The following ATP2C1 variants were observed in gnomAD, a reference collection of about 807,000 sequenced individuals.
ATP2C1 encodes the protein calcium-transporting ATPase type 2C member 1.
ATP2C1 carries 31 observed loss-of-function variants against 120.5 expected under a neutral mutation model. The observed-to-expected ratio is 0.26, with a 90% CI of 0.19 to 0.35. The LOEUF (loss-of-function observed/expected upper bound fraction) is 0.35, where lower values mean the gene tolerates loss of function less well. Among genes scored for constraint, ATP2C1 ranks in the 10% least tolerant of loss-of-function variants. The probability of loss-of-function intolerance (pLI) is 1.00; values close to 1 mark genes in which losing one functional copy is unlikely to be tolerated. For missense variants in ATP2C1, 731 were observed against 1,107.5 expected, an observed-to-expected ratio of 0.66 and a Z score of 4.83; for synonymous variants, 351 against 358.7, an observed-to-expected ratio of 0.98 and a Z score of 0.24.
chr3:130,851,880 G>A (rs2067688307), intron 1 of ATP2C1, among the ~76,000 whole-genome samples: 1 of 152,148 alleles, frequency 6.6e-6, no homozygotes, highest in South Asian at 2.1e-4. Flanking sequence ...TCTCCTTTGT[G>A]ATATGAGATG....
At chr3:130,863,921 G>A (rs1478963086) in intron 1 of ATP2C1, among the ~76,000 whole-genome samples, 1 of 152,186 alleles carries the variant, frequency 6.6e-6, no homozygotes, top group Non-Finnish European at 1.5e-5. Context: ...ATCTTTATCA[G>A]CAGCATGAAA....
At chr3:130,855,231 A>G (rs1398700122) in intron 1 of ATP2C1, among the ~76,000 whole-genome samples, 2 of 152,222 alleles carry the variant, frequency 1.3e-5, no homozygotes, top group African/African-American at 4.8e-5. Context: ...TGTAGCAGTC[A>G]GAATTTTCTG....
chr3:130,929,453 A>C (rs1458031143), intron 2 of ATP2C1, among the ~76,000 whole-genome samples: 1 of 152,202 alleles, frequency 6.6e-6, no homozygotes, highest in Non-Finnish European at 1.5e-5. Flanking sequence ...TTAGGGAAAT[A>C]TTTTATCCTA....
intron 1 of ATP2C1, among the ~76,000 whole-genome samples, chr3:130,860,929 T>G (rs1232516008): frequency 4.6e-5 from 7 of 152,232 alleles, no homozygotes; most frequent in Non-Finnish European, 1.0e-4. Context: ...GTTTAAAGTT[T>G]ATTCAATTTG....
chr3:130,917,760 T>C (rs1272153132), intron 2 of ATP2C1, among the ~76,000 whole-genome samples: 1 of 152,238 alleles, frequency 6.6e-6, no homozygotes, highest in Non-Finnish European at 1.5e-5. Flanking sequence ...TGCTTATTCA[T>C]CTTGACTGAC....
intron 17 of ATP2C1, among the ~76,000 whole-genome samples, chr3:130,970,590 C>G (rs992462806): frequency 2.6e-5 from 4 of 152,026 alleles, no homozygotes; most frequent in Non-Finnish European, 5.9e-5. Flanking sequence ...GATGGGATCT[C>G]ATTGTGTTTC....
At position 130,894,719 on chromosome 3, in the gene ATP2C1, C is replaced by T; in HGVS notation, c.-51C>T. 6.2e-7 allele frequency: 1 copy of T among 1,614,158 alleles called. No homozygotes were observed. The highest frequency in any genetic ancestry group is 8.5e-7 in the Non-Finnish European group (1 of 1,180,014). On this transcript the variant is annotated 5_prime_UTR_variant, in exon 2 of 28. Transcript: ENST00000510168. The surrounding 1 kb of genome is among the most constrained non-coding windows in gnomAD (Gnocchi z 4.5). The stretch of plus-strand genomic sequence containing the variant: ...CTCTCTATTCCCAGTGTGGCCGTGG[C>T]TGACACTAAAGACTTTGTAGCCATC...
At chr3:131,008,737 A>AG (rs1209319214) in intron 26 of ATP2C1, among the ~76,000 whole-genome samples, 1 of 152,196 alleles carries the variant, frequency 6.6e-6, no homozygotes, top group African/African-American at 2.4e-5. Flanking sequence ...TGGATTAGAA[A>AG]GGAAGTACCA....
chr3:130,955,359 G>C (rs943602846), intron 10 of ATP2C1, among the ~76,000 whole-genome samples: 5 of 152,066 alleles, frequency 3.3e-5, no homozygotes, highest in Non-Finnish European at 5.9e-5. Flanking sequence ...TCAGAAATTA[G>C]TGTTGTGGTA....
chr3:130,995,740 A>G (rs2062586591), intron 22 of ATP2C1, among the ~76,000 whole-genome samples: 1 of 152,170 alleles, frequency 6.6e-6, no homozygotes, highest in South Asian at 2.1e-4. Context: ...TCCCGGGTTT[A>G]AGCGATTCTC....
intron 12 of ATP2C1, among the ~76,000 whole-genome samples, chr3:130,962,473 C>T (rs1193556044): frequency 6.6e-6 from 1 of 151,506 alleles, no homozygotes; most frequent in Non-Finnish European, 1.5e-5. Flanking sequence ...CCAAGTTCAC[C>T]AAAAGCAGTA....
At chr3:130,908,112 G>T (rs921711451) in intron 2 of ATP2C1, among the ~76,000 whole-genome samples, 1 of 152,088 alleles carries the variant, frequency 6.6e-6, no homozygotes, top group African/African-American at 2.4e-5. Flanking sequence ...GGGGAAAATA[G>T]AAGCTTCTGA....
chr3:130,902,464 C>T (rs970250002), intron 2 of ATP2C1, among the ~76,000 whole-genome samples: 4 of 151,744 alleles, frequency 2.6e-5, no homozygotes, highest in African/African-American at 7.3e-5. Flanking sequence ...TTAGTGTTCA[C>T]CTAGCAGTAG....
chr3:130,936,374 A>G (rs1033807908), intron 5 of ATP2C1, among the ~76,000 whole-genome samples: 4 of 152,216 alleles, frequency 2.6e-5, no homozygotes, highest in Admixed American at 6.5e-5. Flanking sequence ...AGATAGGTCA[A>G]TGGATTTCGA....
intron 1 of ATP2C1, among the ~76,000 whole-genome samples, chr3:130,861,650 T>A (rs888213348): frequency 9.8e-5 from 15 of 152,372 alleles, no homozygotes; most frequent in South Asian, 4.1e-4. Flanking sequence ...TGTGTTTTTT[T>A]ATTTTTATTT....
chr3:130,994,167 A>G, intron 22 of ATP2C1, 69 bp downstream of exon 22: 2 of 1,566,442 alleles, frequency 1.3e-6, no homozygotes, highest in Non-Finnish European at 1.8e-6. Context: ...CCACCCCTAG[A>G]GAATTCAACT....
At chr3:131,014,068 T>C in intron 26 of ATP2C1, 5 of 1,582,946 alleles carry the variant, frequency 3.2e-6, no homozygotes, top group Middle Eastern at 1.7e-4. Flanking sequence ...TATTCAATGT[T>C]GGAGGCCTCA....
chr3:131,015,127 A>C (rs187359811), intron 26 of ATP2C1: 1 of 657,006 alleles, frequency 1.5e-6, no homozygotes, highest in Non-Finnish European at 2.7e-6. Context: ...GTTAGCTCAG[A>C]TATAAGGCCC....
intron 9 of ATP2C1, 152 bp from the exon 10 acceptor site, chr3:130,954,860 A>G (rs1052038693): frequency 4.5e-6 from 3 of 670,052 alleles, no homozygotes; most frequent in African/African-American, 1.8e-5. Context: ...CAGGAACATA[A>G]AAAAGTAAAT....
Sources: allele counts gnomAD v4.1 joint callset (sites outside exome capture counted in the v4.1 genomes callset), GRCh38; gene constraint gnomAD v4.1.1; non-coding constraint Gnocchi (gnomAD v3.1); transcripts MANE v1.5; gene names NCBI Gene and HGNC (gene_info 2026-07-23, HGNC 2026-07-21).